The following ABHD12B variants were observed in gnomAD, a reference collection of about 807,000 sequenced individuals.
ABHD12B encodes abhydrolase domain containing 12B.
In ABHD12B, 42 loss-of-function variants were observed where a neutral mutation model predicts 50.4. The observed-to-expected ratio is 0.83, with a 90% CI of 0.65 to 1.08. The LOEUF is 1.08. Ranked by LOEUF, ABHD12B falls within the 50% of genes least tolerant of loss-of-function variation. ABHD12B has a pLI of 0.00. For synonymous variants in ABHD12B, 167 were observed against 160.3 expected (o/e 1.04, Z -0.32); for missense variants, 479 against 447.7 (o/e 1.07, Z -0.63).
intron 11 of ABHD12B, 123 bp downstream of exon 11, chr14:50,903,590 C>A: frequency 3.0e-6 from 2 of 672,368 alleles, no homozygotes; most frequent in Non-Finnish European, 4.9e-6. Context: ...TTCTCTACAC[C>A]CCTAAATAGC....
At chr14:50,900,233 G>T (rs911264724) in intron 9 of ABHD12B, among the ~76,000 whole-genome samples, 1 of 152,138 alleles carries the variant, frequency 6.6e-6, no homozygotes, top group Admixed American at 6.5e-5. Context: ...CTGAGACCCT[G>T]TCTCAAAATA....
chr14:50,899,133 G>A (rs1354299357), intron 9 of ABHD12B, among the ~76,000 whole-genome samples: 9 of 152,238 alleles, frequency 5.9e-5, no homozygotes, highest in South Asian at 2.1e-4. Context: ...GCGGAGGTGC[G>A]GTGAACCGAG....
intron 10 of ABHD12B, among the ~76,000 whole-genome samples, chr14:50,902,702 T>A (rs1056091872): frequency 1.3e-5 from 2 of 152,214 alleles, no homozygotes; most frequent in African/African-American, 2.4e-5. Flanking sequence ...TCAACACACT[T>A]GAGAAAATCC....
At chr14:50,899,801 A>T (rs1259761874) in intron 9 of ABHD12B, among the ~76,000 whole-genome samples, 1 of 152,026 alleles carries the variant, frequency 6.6e-6, no homozygotes, top group Admixed American at 6.5e-5. Context: ...GCATGCCTGT[A>T]GTCCCAGCTA....
At chr14:50,896,620 G>C (rs2050202992) in intron 9 of ABHD12B, among the ~76,000 whole-genome samples, 1 of 138,248 alleles carries the variant, frequency 7.2e-6, no homozygotes, top group South Asian at 2.4e-4. Flanking sequence ...TTAACTGAGT[G>C]ATTAACCCTG....
At chr14:50,894,672 G>A (rs572691466) in intron 9 of ABHD12B, among the ~76,000 whole-genome samples, 2 of 151,968 alleles carry the variant, frequency 1.3e-5, no homozygotes, top group South Asian at 2.1e-4. Flanking sequence ...TAGGCAAACG[G>A]TCTGAGGTGC....
At chr14:50,888,091 C>T (rs1276479129) in intron 8 of ABHD12B, among the ~76,000 whole-genome samples, 2 of 152,176 alleles carry the variant, frequency 1.3e-5, no homozygotes, top group Non-Finnish European at 2.9e-5. Context: ...CACATCTTTT[C>T]TAATTGTTCT....
chr14:50,904,939 G>T lies in ABHD12B; in HGVS notation c.*573G>T. ...CTTGGACTTCCCAGCCCCCAGAACTGTGAGAAATAAATTTCTGTTGTTTAT... is the reference window on the plus strand; with the variant it reads ...CTTGGACTTCCCAGCCCCCAGAACTTTGAGAAATAAATTTCTGTTGTTTAT... On this transcript the variant is annotated 3_prime_UTR_variant, in exon 13 of 13. Coordinates refer to ENST00000337334, the MANE Select transcript of ABHD12B (RefSeq NM_001206673.2). 4.0e-6 allele frequency: 1 copy of T among 248,048 alleles called. No individual in the cohort carries two copies. The allele number at this position is 248,048 out of a possible 1,614,324, so 15.4% of individuals were successfully genotyped here.
intron 9 of ABHD12B, among the ~76,000 whole-genome samples, chr14:50,896,789 G>T (rs8005485): frequency 0.35 from 53,705 of 151,404 alleles, 10,434 homozygotes; most frequent in East Asian, 0.6. Flanking sequence ...GACTCTCTTT[G>T]CGGACTCAGC....
In ABHD12B at chr14:50,878,061, C is replaced by T. The variant is rs1402673778; in HGVS notation, c.214C>T (p.Leu72=). ...CGTTTTCCTTCCTCTGATAGACATG[C>T]TAATTTATTTTAATTTTTGTAAGTA... ...EHVFLPLIDM[L]IYFNFFKAPF... Residue 72 remains leucine (L), a synonymous_variant, in exon 2 of 13, where the codon CTA becomes TTA. Transcript: ENST00000337334. 1.3e-6 allele frequency: 2 copies of T among 1,525,758 alleles called. No homozygotes were observed. Among genetic ancestry groups the T allele is most frequent in the East Asian group, 2.4e-5 (1 of 40,830 alleles). 94.5% of individuals were successfully genotyped at this position (1,525,758 alleles called of 1,614,324 possible). A position where few individuals can be genotyped will look rare whatever the true frequency, so the allele number is the denominator to read the frequency against.
intron 5 of ABHD12B, among the ~76,000 whole-genome samples, chr14:50,883,016 T>C (rs1413534889): frequency 6.8e-6 from 1 of 147,664 alleles, no homozygotes; most frequent in African/African-American, 2.5e-5. Flanking sequence ...CTTCAGCCCA[T>C]GTAAGGCTTT....
At chr14:50,886,733 A>G (rs1159302678) in intron 8 of ABHD12B, 49 bp downstream of exon 8, 5 of 1,512,062 alleles carry the variant, frequency 3.3e-6, no homozygotes, top group Non-Finnish European at 4.6e-6. Context: ...CAGATGGGAA[A>G]GTAAAAACAG....
rs2050306353 is a variant in ABHD12B, at chr14:50,904,513, A to G, written c.*147A>G. The G allele has an allele frequency of 3.0e-6, 3 of 994,730 alleles. No homozygotes were observed. The highest frequency in any genetic ancestry group is 2.7e-5 in the South Asian group (2 of 75,060). The allele number at this position is 994,730 out of a possible 1,614,324, so 61.6% of individuals were successfully genotyped here. A position where few individuals can be genotyped will look rare whatever the true frequency, so the allele number is the denominator to read the frequency against. ...AAATCACTTGCCATTTTAACAACAG[A>G]AAGTACGAATGTTAGGCAGTATGGA... On this transcript the variant is annotated 3_prime_UTR_variant, in exon 13 of 13. Transcript: ENST00000337334.
At chr14:50,886,708 A>G (rs2050043315) in intron 8 of ABHD12B, 24 bp downstream of exon 8, 1 of 1,593,700 alleles carries the variant, frequency 6.3e-7, no homozygotes, top group Non-Finnish European at 8.6e-7. Flanking sequence ...CTTAAGTGGT[A>G]TAATTTCCCA....
chr14:50,873,978 T>C (rs1025791517), intron 1 of ABHD12B, among the ~76,000 whole-genome samples: 5 of 152,224 alleles, frequency 3.3e-5, no homozygotes, highest in African/African-American at 1.2e-4. Context: ...CAGAAGATTA[T>C]TGGCTACCAT....
chr14:50,878,666 A>G (rs755673821), intron 2 of ABHD12B, 79 bp from the exon 3 acceptor site: 201 of 1,161,080 alleles, frequency 1.7e-4, no homozygotes, highest in Non-Finnish European at 2.3e-4. Flanking sequence ...TAACCTGTGT[A>G]GGCTAATTCC....
Position 50,904,871 on chromosome 14 carries a change from C to T in ABHD12B, c.*505C>T. 1 of 228,440 alleles carries T rather than the reference C, an allele frequency of 4.4e-6. No homozygotes were observed. The highest frequency in any genetic ancestry group is 8.6e-6 in the Non-Finnish European group (1 of 115,834). The allele number at this position is 228,440 out of a possible 1,614,324, so 14.2% of individuals were successfully genotyped here. On this transcript the variant is annotated 3_prime_UTR_variant, in exon 13 of 13. Coordinates refer to ENST00000337334, the MANE Select transcript of ABHD12B (RefSeq NM_001206673.2). Reference sequence around the variant, plus strand: ...GTGAGAAGCCTTCATCTATGAACCACAAAGTAGCCCTCATCAGACACTGAA... The same window carrying T: ...GTGAGAAGCCTTCATCTATGAACCATAAAGTAGCCCTCATCAGACACTGAA...
At chr14:50,876,292 T>A (rs1287031466) in intron 1 of ABHD12B, among the ~76,000 whole-genome samples, 1 of 152,234 alleles carries the variant, frequency 6.6e-6, no homozygotes, top group Non-Finnish European at 1.5e-5. Flanking sequence ...CTTTTCCACT[T>A]CTTGCAGAAC....
intron 10 of ABHD12B, among the ~76,000 whole-genome samples, chr14:50,902,214 A>G (rs545622479): frequency 1.7e-4 from 26 of 152,274 alleles, no homozygotes; most frequent in African/African-American, 4.8e-4. Flanking sequence ...TGGTAGTGTT[A>G]GCGTATGCCT....
Sources: allele counts gnomAD v4.1 joint callset (sites outside exome capture counted in the v4.1 genomes callset), GRCh38; gene constraint gnomAD v4.1.1; transcripts MANE v1.5; gene names NCBI Gene and HGNC (gene_info 2026-07-23, HGNC 2026-07-21).